The following ZNF518A variants were observed in gnomAD, a reference collection of about 807,000 sequenced individuals.
ZNF518A encodes the protein zinc finger protein 518A, also known as zinc finger protein 518.
Under a neutral mutation model 102.7 loss-of-function variants are expected in ZNF518A, and 47 were observed. That is an observed-to-expected ratio of 0.46 (90% CI 0.36 to 0.58). ZNF518A has a LOEUF of 0.58. Among genes scored for constraint, ZNF518A ranks in the 20% least tolerant of loss-of-function variants. ZNF518A has a pLI of 0.00. For missense variants in ZNF518A, 1,793 were observed against 1,699.8 expected (o/e 1.05, Z -0.96); for synonymous variants, 652 against 594.6 (o/e 1.10, Z -1.40).
At chr10:96,140,864 C>A (rs1271716214) in intron 3 of ZNF518A, among the ~76,000 whole-genome samples, 1 of 151,978 alleles carries the variant, frequency 6.6e-6, no homozygotes, top group Non-Finnish European at 1.5e-5. Context: ...TCAATTGAGC[C>A]CAGAAGGGCG....
intron 1 of ZNF518A, chr10:96,201,194 AG>A (rs1483802631): frequency 2.3e-5 from 18 of 784,972 alleles, no homozygotes; most frequent in Non-Finnish European, 3.4e-5. Flanking sequence ...TGGTTCCAAA[AG>A]TGTGGTCCAA....
At chr10:96,197,550 A>G (rs1168421125) in intron 1 of ZNF518A, among the ~76,000 whole-genome samples, 3 of 152,238 alleles carry the variant, frequency 2.0e-5, no homozygotes, top group African/African-American at 7.2e-5. Flanking sequence ...ATTAAGATCA[A>G]ATCTAGAGGA....
At chr10:96,167,538 CATAGAG>C (rs1564799406), downstream of ZNF518A, among the ~76,000 whole-genome samples, 2 of 152,120 alleles carry the variant, frequency 1.3e-5, no homozygotes, top group South Asian at 2.1e-4. Flanking sequence ...AAGTAGAGAA[CATAGAG>C]ATAGAAATTT....
At chr10:96,153,841 A>G (rs587712076) in intron 3 of ZNF518A, among the ~76,000 whole-genome samples, 1 of 152,320 alleles carries the variant, frequency 6.6e-6, no homozygotes, top group South Asian at 2.1e-4. Flanking sequence ...CTAGGCACCT[A>G]AAATCTTCTG....
chr10:96,177,124 A>T (rs1236503686), intron 1 of ZNF518A, among the ~76,000 whole-genome samples: 1 of 152,014 alleles, frequency 6.6e-6, no homozygotes, highest in Non-Finnish European at 1.5e-5. Flanking sequence ...AAGTTATAAA[A>T]AATTTAACAG....
At chr10:96,189,548 TTCCTGTTTTTTGAAGGATTCTTG>T in intron 1 of ZNF518A, 1 of 659,682 alleles carries the variant, frequency 1.5e-6, no homozygotes, top group South Asian at 1.4e-5. Context: ...TACGAGTTTT[TTCCTGTTTTTTGAAGGATTCTTG>T]TCCTTTTAAT....
At chr10:96,164,605 T>C (rs190195956), downstream of ZNF518A, among the ~76,000 whole-genome samples, 1 of 152,326 alleles carries the variant, frequency 6.6e-6, no homozygotes, top group Admixed American at 6.5e-5. Flanking sequence ...TTGAGGTGCT[T>C]TTTGACTAGT....
chr10:96,132,365 A>G (rs2081382354), intron 1 of ZNF518A, among the ~76,000 whole-genome samples: 1 of 151,960 alleles, frequency 6.6e-6, no homozygotes, highest in Admixed American at 6.6e-5. Flanking sequence ...GTAATAAATG[A>G]AGATACTGAG....
chr10:96,188,403 T>C (rs1554892838), intron 1 of ZNF518A, among the ~76,000 whole-genome samples: 3 of 152,220 alleles, frequency 2.0e-5, no homozygotes, highest in Non-Finnish European at 4.4e-5. Flanking sequence ...TGAGGATTAG[T>C]ATAATCTTAA....
chr10:96,149,298 G>A (rs1554879649), intron 3 of ZNF518A, among the ~76,000 whole-genome samples: 1 of 152,070 alleles, frequency 6.6e-6, no homozygotes, highest in African/African-American at 2.4e-5. Flanking sequence ...CAACTTAGAA[G>A]CAGAAAAAAA....
At chr10:96,166,596 G>A (rs782304580), downstream of ZNF518A, among the ~76,000 whole-genome samples, 1 of 151,972 alleles carries the variant, frequency 6.6e-6, no homozygotes. Context: ...GTGAAACTGC[G>A]TCCCTCCTAA....
At chr10:96,168,211 G>A (rs1038227256), downstream of ZNF518A, among the ~76,000 whole-genome samples, 1 of 152,166 alleles carries the variant, frequency 6.6e-6, no homozygotes, top group Admixed American at 6.5e-5. Flanking sequence ...ATGAGTGAGA[G>A]GCCCAGAGGT....
At position 96,130,508 on chromosome 10, in the gene ZNF518A, G is replaced by A. The variant is rs2081273853; in HGVS notation, c.-697G>A. ...GGGGCAGCCGAACCCCGGAGGAAGG[G>A]GCGGATCGGGCGCGGTGTTTGGGGC... On this transcript the variant is annotated 5_prime_UTR_variant, in exon 1 of 6. Coordinates refer to ENST00000316045, the MANE Select transcript of ZNF518A (RefSeq NM_001330736.2). Among the ~76,000 whole-genome samples the A allele has an allele frequency of 1.3e-5, 2 of 152,374 alleles. No homozygotes were observed. Among genetic ancestry groups the A allele is most frequent in the South Asian group, 4.1e-4 (2 of 4,832 alleles).
rs1554884047 is a variant in ZNF518A at position 96,157,970 on chromosome 10, G to T, written c.1648G>T (p.Val550Leu). The change falls in exon 6 of 6, where the codon GTA (valine) becomes TTA (leucine). Residue 550 changes from valine (V) to leucine (L), a missense_variant. By Grantham distance (32) the Val-to-Leu change is conservative. Coordinates refer to ENST00000316045, the MANE Select transcript of ZNF518A (RefSeq NM_001330736.2). Reference sequence around the variant, plus strand: ...TCAAACAATGGATTATGAGAAAAGTGTATCTTCTTTGTCAGCAACATCAGA... The same window carrying T: ...TCAAACAATGGATTATGAGAAAAGTTTATCTTCTTTGTCAGCAACATCAGA... ...MLQTMDYEKSVSSLSATSELV... is the reference protein window; with the variant it reads ...MLQTMDYEKSLSSLSATSELV... 1 of 1,613,816 alleles carries T rather than the reference G, an allele frequency of 6.2e-7. No homozygotes were observed. Among genetic ancestry groups the T allele is most frequent in the Admixed American group, 1.7e-5 (1 of 60,014 alleles).
intron 1 of ZNF518A, among the ~76,000 whole-genome samples, chr10:96,184,030 G>A (rs1020201878): frequency 2.0e-5 from 3 of 152,142 alleles, no homozygotes; most frequent in East Asian, 3.9e-4. Context: ...AGGATAGTTA[G>A]CTCTTCTTGT....
rs1554888739 is a variant in ZNF518A at position 96,162,809 on chromosome 10, G to A, written c.*2035G>A. 6.0e-6 allele frequency: 1 copy of A among 166,744 alleles called. No homozygotes were observed. The allele number at this position is 166,744 out of a possible 1,614,324, so 10.3% of individuals were successfully genotyped here. On this transcript the variant is annotated 3_prime_UTR_variant, in exon 6 of 6. Transcript: ENST00000316045. ...AGGAAATACAGATTTTAAAGTGTATGTGTTTTTTCAATGCTAGTTAACTCT... is the reference window on the plus strand; with the variant it reads ...AGGAAATACAGATTTTAAAGTGTATATGTTTTTTCAATGCTAGTTAACTCT...
intron 3 of ZNF518A, among the ~76,000 whole-genome samples, chr10:96,152,549 A>G (rs1000690368): frequency 7.9e-5 from 12 of 152,370 alleles, no homozygotes; most frequent in Non-Finnish European, 1.6e-4. Flanking sequence ...AGAACCAGAA[A>G]GATACATACA....
chr10:96,195,218 TA>T (rs35045572), intron 1 of ZNF518A, among the ~76,000 whole-genome samples: 1 of 152,134 alleles, frequency 6.6e-6, no homozygotes, highest in African/African-American at 2.4e-5. Flanking sequence ...GGTGGAACTG[TA>T]AAATGGTGCA....
intron 3 of ZNF518A, among the ~76,000 whole-genome samples, chr10:96,143,138 C>T (rs1411573495): frequency 2.0e-5 from 3 of 152,156 alleles, no homozygotes; most frequent in Admixed American, 1.3e-4. Flanking sequence ...GTTAACATTA[C>T]CAGTTCCTTG....
Sources: allele counts gnomAD v4.1 joint callset (sites outside exome capture counted in the v4.1 genomes callset), GRCh38; gene constraint gnomAD v4.1.1; transcripts MANE v1.5; gene names NCBI Gene and HGNC (gene_info 2026-07-23, HGNC 2026-07-21).